Variants in XKR7 observed in about 807,000 individuals in gnomAD.
The protein encoded by XKR7 is XK related 7.
XKR7 carries 11 observed loss-of-function variants against 42.2 expected under a neutral mutation model. That is an observed-to-expected ratio of 0.26 (90% CI 0.16 to 0.43). The LOEUF (loss-of-function observed/expected upper bound fraction) is 0.43. XKR7 is among the 20% of genes least tolerant of loss of function. XKR7 has a pLI of 1.00. For missense variants in XKR7, 710 were observed against 802.2 expected (o/e 0.89, Z 1.39); for synonymous variants, 346 against 366.4 (o/e 0.94, Z 0.64).
Position 31,973,990 on chromosome 20 carries a change from C to T in XKR7, c.584+5231C>T, listed in dbSNP as rs377110899. Reference sequence around the variant, plus strand: ...CAGGCGGATCACGAGGTCAAGAGATCGAGACCATCCTGGCCAACATGGTGA... The same window carrying T: ...CAGGCGGATCACGAGGTCAAGAGATTGAGACCATCCTGGCCAACATGGTGA... On this transcript the variant is annotated intron_variant, in intron 1 of 2. Coordinates refer to ENST00000562532, the MANE Select transcript of XKR7 (RefSeq NM_001011718.2). 2.6e-4 allele frequency among the ~76,000 whole-genome samples: 40 copies of T among 152,178 alleles called. 1 individual carries two copies. In the South Asian group the frequency reaches 7.5e-3, roughly 28 times the overall value.
intron 1 of XKR7, among the ~76,000 whole-genome samples, chr20:31,978,940 G>A (rs1333976345): frequency 6.6e-6 from 1 of 151,950 alleles, no homozygotes; most frequent in Non-Finnish European, 1.5e-5. Context: ...TTCAAGACCA[G>A]CCTGGCCAAC....
Position 31,998,083 on chromosome 20 carries a change from G to GGT in XKR7, c.*627_*628insTG, listed in dbSNP as rs1416654838. 2.4e-5 allele frequency: 3 copies of GGT among 126,856 alleles called. No individual in the cohort carries two copies. Among genetic ancestry groups the GGT allele is most frequent in the Non-Finnish European group, 5.1e-5 (3 of 58,872 alleles). The allele number at this position is 126,856 out of a possible 1,614,324, so 7.9% of individuals were successfully genotyped here. A position where few individuals can be genotyped will look rare whatever the true frequency, so the allele number is the denominator to read the frequency against. On this transcript the variant is annotated 3_prime_UTR_variant, in exon 3 of 3. Transcript: ENST00000562532. The stretch of plus-strand genomic sequence containing the variant: ...TGGAGATGGATAGGAGAAAGAACTG[G>GGT]GGGGGGGGTCTAGGCTGGCAGAAGC...
Position 31,997,134 on chromosome 20 carries a change from C to G in XKR7, c.1417C>G (p.Pro473Ala). ...ACCCGCTGACGCCATCACGAGTCCCCCCAGGTCCCTGCCAAGGACTACAGG... is the reference window on the plus strand; with the variant it reads ...ACCCGCTGACGCCATCACGAGTCCCGCCAGGTCCCTGCCAAGGACTACAGG... ...GPPADAITSP[P>A]RSLPRTTGAE... Residue 473 changes from proline to alanine, a missense_variant, in exon 3 of 3, where the codon CCC becomes GCC. Physicochemically the swap from Pro to Ala is conservative, Grantham distance 27 (BLOSUM62 -1). Around this residue, in one of 2 missense-constraint regions of XKR7, gnomAD observed 708 missense variants for 786.2 expected, o/e 0.90. Transcript: ENST00000562532. The G allele has an allele frequency of 6.2e-7, 1 of 1,612,462 alleles. No individual in the cohort carries two copies. Among genetic ancestry groups the G allele is most frequent in the Non-Finnish European group, 8.5e-7 (1 of 1,180,026 alleles).
At position 31,998,038 on chromosome 20, in the gene XKR7, G is replaced by A. The variant is rs1253371261; in HGVS notation, c.*581G>A. The A allele has an allele frequency of 6.9e-6, 1 of 145,712 alleles. No homozygotes were observed. Among genetic ancestry groups the A allele is most frequent in the Non-Finnish European group, 1.5e-5 (1 of 66,402 alleles). The allele number at this position is 145,712 out of a possible 1,614,324, so 9.0% of individuals were successfully genotyped here. A position where few individuals can be genotyped will look rare whatever the true frequency, so the allele number is the denominator to read the frequency against. ...GGAGTTGGGGTGGGGCAGGGTGTTG[G>A]GGTGGGGGGCTGGCAGTGCTGGAGA... On this transcript the variant is annotated 3_prime_UTR_variant, in exon 3 of 3. Coordinates refer to ENST00000562532, the MANE Select transcript of XKR7 (RefSeq NM_001011718.2).
chr20:32,000,939 C>A lies in XKR7; in HGVS notation c.*3482C>A, dbSNP rs1041023119. ...TCATCTGCCTCATTCTTGTGTCTCCCCCAAATCTGCCTTACCCCCAGCCAG... is the reference window on the plus strand; with the variant it reads ...TCATCTGCCTCATTCTTGTGTCTCCACCAAATCTGCCTTACCCCCAGCCAG... On this transcript the variant is annotated 3_prime_UTR_variant, in exon 3 of 3. Coordinates refer to ENST00000562532, the MANE Select transcript of XKR7 (RefSeq NM_001011718.2). 1.3e-5 allele frequency: 2 copies of A among 152,450 alleles called. No homozygotes were observed. The highest frequency in any genetic ancestry group is 2.9e-5 in the Non-Finnish European group (2 of 68,236). 9.4% of individuals were successfully genotyped at this position (152,450 alleles called of 1,614,324 possible).
At chr20:31,975,238 A>G (rs1475380198) in intron 1 of XKR7, among the ~76,000 whole-genome samples, 1 of 151,618 alleles carries the variant, frequency 6.6e-6, no homozygotes, top group Non-Finnish European at 1.5e-5. Context: ...CCCAACCCCC[A>G]ATCCCGCCTC....
intron 1 of XKR7, among the ~76,000 whole-genome samples, chr20:31,974,007 A>G (rs1031678618): frequency 6.6e-6 from 1 of 152,156 alleles, no homozygotes; most frequent in Non-Finnish European, 1.5e-5. Flanking sequence ...ATCCTGGCCA[A>G]CATGGTGAAA....
At chr20:31,982,785 C>T (rs551089024) in intron 1 of XKR7, among the ~76,000 whole-genome samples, 6 of 152,198 alleles carry the variant, frequency 3.9e-5, no homozygotes, top group Non-Finnish European at 7.3e-5. Context: ...ACAGGTTCAA[C>T]GAGCACCAGG....
At chr20:31,969,804 G>A (rs2064456001) in intron 1 of XKR7, among the ~76,000 whole-genome samples, 1 of 152,222 alleles carries the variant, frequency 6.6e-6, no homozygotes, top group Admixed American at 6.5e-5. Context: ...CCTGCAGACT[G>A]TAACATTTTA....
In XKR7 at chr20:31,997,001, C is replaced by A; in HGVS notation, c.1284C>A (p.Gly428=). The A allele has an allele frequency of 6.2e-7, 1 of 1,614,098 alleles. No homozygotes were observed. Residue 428 remains glycine (G), a synonymous_variant, in exon 3 of 3, where the codon GGC becomes GGA. Coordinates refer to ENST00000562532, the MANE Select transcript of XKR7 (RefSeq NM_001011718.2). ...TAGTGGCCTCCAGCTTTGCGCTGGG[C>A]ATATTCTTCATGTGTGTCTACTACT... The part of the protein sequence containing the change: ...VCVVASSFAL[G]IFFMCVYYCL...
chr20:31,981,430 G>A (rs771836930), intron 1 of XKR7, among the ~76,000 whole-genome samples: 14 of 151,954 alleles, frequency 9.2e-5, no homozygotes, highest in Non-Finnish European at 1.6e-4. Context: ...AGTGGCTCAC[G>A]CCTGTAATCC....
rs921115806 is a variant in XKR7 at position 32,001,847 on chromosome 20, T to C, written c.*4390T>C. 2 of 152,160 alleles carry C rather than the reference T, an allele frequency of 1.3e-5. No individual in the cohort carries two copies. Among genetic ancestry groups the C allele is most frequent in the Non-Finnish European group, 2.9e-5 (2 of 68,078 alleles). 9.4% of individuals were successfully genotyped at this position (152,160 alleles called of 1,614,324 possible). On this transcript the variant is annotated 3_prime_UTR_variant, in exon 3 of 3. Transcript: ENST00000562532. ...GTTCAAGCTGTGGTGGGGCCTGCAG[T>C]AGAGGTTGGTAGGGGGAGCTGTAGT...
rs574835436 is a variant in XKR7 at position 31,974,976 on chromosome 20, A to G, written c.584+6217A>G. ...ATGGACCATTAGAGCTGCTCCTAAC[A>G]GACACAGCGGCGGCGGTTGGGCCCA... On this transcript the variant is annotated intron_variant, in intron 1 of 2. Transcript: ENST00000562532. Among the ~76,000 whole-genome samples the G allele has an allele frequency of 2.0e-5, 3 of 152,154 alleles. No homozygotes were observed. The East Asian group carries it at 5.8e-4, about 30-fold the overall frequency.
At chr20:31,986,893 C>G (rs2064544123) in intron 1 of XKR7, among the ~76,000 whole-genome samples, 1 of 150,108 alleles carries the variant, frequency 6.7e-6, no homozygotes, top group Non-Finnish European at 1.5e-5. Flanking sequence ...GACAGACAGA[C>G]AGACCACCAA....
In XKR7 at chr20:31,968,170, G is replaced by T; in HGVS notation, c.-6G>T. On this transcript the variant is annotated 5_prime_UTR_variant, in exon 1 of 3. Transcript: ENST00000562532. The surrounding 1 kb of genome is among the most constrained non-coding windows in gnomAD (Gnocchi z 4.5). Reference sequence around the variant, plus strand: ...GAAGTCGCTCCCCGCCTCCCTCTCCGCCAACATGGCCGCGAAGTCGGATGG... The same window carrying T: ...GAAGTCGCTCCCCGCCTCCCTCTCCTCCAACATGGCCGCGAAGTCGGATGG... The T allele has an allele frequency of 1.7e-6, 2 of 1,176,864 alleles. No homozygotes were observed. The highest frequency in any genetic ancestry group is 3.6e-5 in the East Asian group (1 of 27,478). 72.9% of individuals were successfully genotyped at this position (1,176,864 alleles called of 1,614,324 possible).
At chr20:31,980,006 TTCC>T (rs1236267501) in intron 1 of XKR7, among the ~76,000 whole-genome samples, 1 of 151,942 alleles carries the variant, frequency 6.6e-6, no homozygotes, top group Non-Finnish European at 1.5e-5. Context: ...GGGCTGCCCA[TTCC>T]TCTGCTGTGC....
At position 32,001,032 on chromosome 20, in the gene XKR7, G is replaced by A. The variant is rs1004424077; in HGVS notation, c.*3575G>A. 6.6e-6 allele frequency: 1 copy of A among 152,370 alleles called. No individual in the cohort carries two copies. The highest frequency in any genetic ancestry group is 2.4e-5 in the African/African-American group (1 of 41,460). 9.4% of individuals were successfully genotyped at this position (152,370 alleles called of 1,614,324 possible). ...AGAGTCGGGAAAGACAGAGGGCAGG[G>A]AAGGTGAGGCCTGGGGAAAGTCCAG... On this transcript the variant is annotated 3_prime_UTR_variant, in exon 3 of 3. Coordinates refer to ENST00000562532, the MANE Select transcript of XKR7 (RefSeq NM_001011718.2).
intron 1 of XKR7, among the ~76,000 whole-genome samples, chr20:31,976,623 G>A (rs182037490): frequency 1.8e-4 from 27 of 152,226 alleles, no homozygotes; most frequent in Middle Eastern, 6.8e-3. Context: ...GACCTCAGGC[G>A]ATCCACCTGC....
At chr20:31,996,304 C>G (rs1479506440) in intron 2 of XKR7, among the ~76,000 whole-genome samples, 1 of 151,982 alleles carries the variant, frequency 6.6e-6, no homozygotes, top group East Asian at 1.9e-4. Context: ...TACCCAGTCC[C>G]GTGCACCCTC....
Sources: gnomAD v4.1 joint callset for allele counts (sites outside exome capture counted in the v4.1 genomes callset) on GRCh38, gnomAD v4.1.1 for gene constraint, gnomAD v4.1.1 regional missense constraint, Gnocchi (gnomAD v3.1) non-coding constraint, MANE v1.5 for transcripts, NCBI Gene and HGNC (gene_info 2026-07-23, HGNC 2026-07-21) for gene names.